The following GMDS variants were observed in gnomAD, a reference collection of about 807,000 sequenced individuals.
GMDS encodes GDP-mannose 4,6-dehydratase.
In GMDS, 20 loss-of-function variants were observed where a neutral mutation model predicts 49.9. The observed-to-expected ratio is 0.40, with a 90% confidence interval of 0.28 to 0.58. The LOEUF (loss-of-function observed/expected upper bound fraction) is 0.58, where lower values mean the gene tolerates loss of function less well. GMDS is among the 20% of genes least tolerant of loss of function. The probability of loss-of-function intolerance (pLI) is 0.42; values close to 1 mark genes in which losing one functional copy is unlikely to be tolerated. For missense variants in GMDS, 362 were observed against 481.4 expected (o/e 0.75, Z 2.32); for synonymous variants, 177 against 178.6 (o/e 0.99, Z 0.07).
intron 7 of GMDS, among the ~76,000 whole-genome samples, chr6:1,922,956 G>A (rs1222124724): frequency 6.6e-6 from 1 of 152,174 alleles, no homozygotes; most frequent in Non-Finnish European, 1.5e-5. Context: ...AATCATGGGG[G>A]CGGTTCCCCC....
At chr6:2,164,022 A>G (rs1777539672) in intron 1 of GMDS, among the ~76,000 whole-genome samples, 2 of 152,210 alleles carry the variant, frequency 1.3e-5, no homozygotes, top group African/African-American at 4.8e-5. Context: ...TAAGCCTTTG[A>G]ATCCTTTTCT....
intron 1 of GMDS, among the ~76,000 whole-genome samples, chr6:2,218,360 C>T (rs530590220): frequency 8.5e-5 from 13 of 152,160 alleles, no homozygotes; most frequent in Non-Finnish European, 1.8e-4. Context: ...CACCTCAAGT[C>T]CACAGAAATT....
intron 7 of GMDS, among the ~76,000 whole-genome samples, chr6:1,756,728 G>C (rs1767962333): frequency 1.3e-5 from 2 of 152,220 alleles, no homozygotes; most frequent in Non-Finnish European, 2.9e-5. Context: ...CTGGGTGCTG[G>C]ATGCACCTCA....
intron 7 of GMDS, among the ~76,000 whole-genome samples, chr6:1,910,862 ATGAGT>A (rs1761018085): frequency 6.6e-6 from 1 of 152,222 alleles, no homozygotes; most frequent in Admixed American, 6.5e-5. Flanking sequence ...TTTTCTCTGA[ATGAGT>A]TAAGCATTGA....
chr6:2,030,825 A>G (rs1768908734), intron 4 of GMDS, among the ~76,000 whole-genome samples: 1 of 152,242 alleles, frequency 6.6e-6, no homozygotes, highest in East Asian at 1.9e-4. Flanking sequence ...ATTGCTTGGG[A>G]CATAGTGATA....
intron 1 of GMDS, among the ~76,000 whole-genome samples, chr6:2,214,705 A>C (rs1780240618): frequency 6.6e-6 from 1 of 152,162 alleles, no homozygotes; most frequent in Non-Finnish European, 1.5e-5. Flanking sequence ...TTAAGAGACA[A>C]GGTCTCACTA....
At chr6:1,633,863 C>T (rs977337810) in intron 9 of GMDS, among the ~76,000 whole-genome samples, 3 of 152,284 alleles carry the variant, frequency 2.0e-5, no homozygotes, top group South Asian at 2.1e-4. Flanking sequence ...CAAGGCTCTG[C>T]TGTCTGGTCA....
chr6:2,076,379 T>C (rs1285885375), intron 4 of GMDS, among the ~76,000 whole-genome samples: 4 of 150,976 alleles, frequency 2.6e-5, no homozygotes, highest in African/African-American at 9.7e-5. Context: ...AAGCTACCAA[T>C]GACTTTCTTC....
At chr6:1,966,372 G>GA (rs11377438) in intron 4 of GMDS, among the ~76,000 whole-genome samples, 93,556 of 141,910 alleles carry the variant, frequency 0.66, 30,376 homozygotes, top group African/African-American at 0.73. Context: ...TCAGACTGAT[G>GA]AAAAAAAAAA....
intron 7 of GMDS, among the ~76,000 whole-genome samples, chr6:1,777,563 AAG>A (rs1768888899): frequency 6.6e-6 from 1 of 152,242 alleles, no homozygotes; most frequent in African/African-American, 2.4e-5. Context: ...TCACTCTGAA[AAG>A]AGTTTCCCGA....
intron 4 of GMDS, among the ~76,000 whole-genome samples, chr6:2,036,941 C>T (rs11242732): frequency 0.38 from 57,845 of 152,020 alleles, 11,388 homozygotes; most frequent in Middle Eastern, 0.47. Context: ...GTAGATACAT[C>T]CTAATTTCTA....
intron 2 of GMDS, 107 bp from the exon 3 acceptor site, chr6:2,117,663 A>G (rs967154729): frequency 1.4e-6 from 1 of 695,426 alleles, no homozygotes; most frequent in Non-Finnish European, 2.6e-6. Flanking sequence ...GCATTATTTT[A>G]AATTATTAGA....
At chr6:1,961,508 CAG>C (rs1252280877) in intron 4 of GMDS, among the ~76,000 whole-genome samples, 1 of 152,078 alleles carries the variant, frequency 6.6e-6, no homozygotes, top group Non-Finnish European at 1.5e-5. Flanking sequence ...ATTTGAGACA[CAG>C]AGCATACAGC....
At chr6:1,736,737 C>A (rs1472603309) in intron 8 of GMDS, among the ~76,000 whole-genome samples, 1 of 152,194 alleles carries the variant, frequency 6.6e-6, no homozygotes, top group Non-Finnish European at 1.5e-5. Context: ...TAATACAGAG[C>A]TGCAGTGAGT....
At chr6:2,072,042 G>T (rs1005829287) in intron 4 of GMDS, among the ~76,000 whole-genome samples, 3 of 152,144 alleles carry the variant, frequency 2.0e-5, no homozygotes, top group Non-Finnish European at 4.4e-5. Flanking sequence ...GAGTAAGAGG[G>T]TTCTTGCCAG....
chr6:1,905,653 G>C lies in GMDS; in HGVS notation c.771+24450C>G, dbSNP rs1396283085. ...CATCTGCATGTGGGGCCAGCACATA[G>C]CTGTGGGTGCTGGCGTGTAGGTGGG... On this transcript the variant is annotated intron_variant, in intron 7 of 10. Transcript: ENST00000380815. 2.1e-5 allele frequency among the ~76,000 whole-genome samples: 3 copies of C among 141,490 alleles called. 1 individual carries two copies. The highest frequency in any genetic ancestry group is 8.2e-5 in the African/African-American group (3 of 36,404). The allele number at this position is 141,490 out of a possible 152,430, so 92.8% of individuals were successfully genotyped here.
At chr6:2,052,215 A>G (rs925852946) in intron 4 of GMDS, among the ~76,000 whole-genome samples, 4 of 151,906 alleles carry the variant, frequency 2.6e-5, no homozygotes, top group African/African-American at 9.7e-5. Flanking sequence ...AGTTCAGTCA[A>G]CTTCTGCTTT....
At chr6:1,985,680 C>A (rs547596706) in intron 4 of GMDS, among the ~76,000 whole-genome samples, 4 of 152,046 alleles carry the variant, frequency 2.6e-5, no homozygotes, top group Non-Finnish European at 5.9e-5. Flanking sequence ...TAGAAAGGTG[C>A]AAGCCTTTGG....
intron 9 of GMDS, among the ~76,000 whole-genome samples, chr6:1,674,975 T>C (rs1234105424): frequency 6.6e-6 from 1 of 152,130 alleles, no homozygotes; most frequent in Admixed American, 6.6e-5. Flanking sequence ...TTTGCTCTTG[T>C]TGCCCAGGCT....
Sources: gnomAD v4.1 joint callset for allele counts (sites outside exome capture counted in the v4.1 genomes callset) on GRCh38, gnomAD v4.1.1 for gene constraint, MANE v1.5 for transcripts, NCBI Gene and HGNC (gene_info 2026-07-23, HGNC 2026-07-21) for gene names.